Variants in KIF6 observed in about 807,000 individuals in gnomAD.
The protein encoded by KIF6 is kinesin-like protein KIF6.
In KIF6, 106 loss-of-function variants were observed where a neutral mutation model predicts 112.7. The observed-to-expected ratio is 0.94, with a 90% CI of 0.80 to 1.11. KIF6 has a LOEUF of 1.11. Among genes scored for constraint, KIF6 ranks in the 50% least tolerant of loss-of-function variants. The pLI, the probability that KIF6 is intolerant of heterozygous loss-of-function variation, is 0.00. For synonymous variants in KIF6, 339 were observed against 339.9 expected (o/e 1.00, Z 0.03); for missense variants, 929 against 964.0 (o/e 0.96, Z 0.48).
chr6:39,467,724 C>T (rs1277101965), intron 13 of KIF6, among the ~76,000 whole-genome samples: 2 of 152,164 alleles, frequency 1.3e-5, no homozygotes, highest in African/African-American at 4.8e-5. Flanking sequence ...TTATCTAAAA[C>T]ATCCAATTTT....
chr6:39,722,590 A>G (rs542327990), intron 1 of KIF6, among the ~76,000 whole-genome samples: 115 of 152,354 alleles, frequency 7.5e-4, no homozygotes, highest in African/African-American at 2.7e-3. Context: ...GATGCCTTAA[A>G]GAATAAAAGT....
intron 13 of KIF6, among the ~76,000 whole-genome samples, chr6:39,523,366 C>T (rs977465987): frequency 6.6e-6 from 1 of 152,014 alleles, no homozygotes; most frequent in Admixed American, 6.5e-5. Context: ...TATGGCCATG[C>T]TACTTTTCTG....
At chr6:39,428,111 GT>G (rs1477813572) in intron 14 of KIF6, among the ~76,000 whole-genome samples, 3 of 152,168 alleles carry the variant, frequency 2.0e-5, no homozygotes, top group African/African-American at 7.2e-5. Flanking sequence ...TAAGCCAGTG[GT>G]TTTCAAACCT....
At chr6:39,696,119 G>A (rs1324999564) in intron 3 of KIF6, among the ~76,000 whole-genome samples, 1 of 152,120 alleles carries the variant, frequency 6.6e-6, no homozygotes, top group Admixed American at 6.5e-5. Flanking sequence ...AAGCACTGGG[G>A]ATTCCAAAAA....
At chr6:39,364,964 A>AT (rs1765447830) in intron 16 of KIF6, among the ~76,000 whole-genome samples, 1 of 152,260 alleles carries the variant, frequency 6.6e-6, no homozygotes, top group African/African-American at 2.4e-5. Flanking sequence ...TAAAACTTGC[A>AT]TTTTTTAAAA....
At chr6:39,432,123 C>T (rs1771205144) in intron 13 of KIF6, among the ~76,000 whole-genome samples, 1 of 152,210 alleles carries the variant, frequency 6.6e-6, no homozygotes, top group East Asian at 1.9e-4. Context: ...ATGCACAGCC[C>T]AGTGGACACT....
chr6:39,408,077 A>G (rs535677184), intron 15 of KIF6, among the ~76,000 whole-genome samples: 3 of 152,370 alleles, frequency 2.0e-5, no homozygotes, highest in African/African-American at 7.2e-5. Context: ...TCAGAAAGAG[A>G]AATTCAACTA....
intron 9 of KIF6, among the ~76,000 whole-genome samples, chr6:39,581,718 C>G (rs1056706657): frequency 1.3e-5 from 2 of 151,706 alleles, no homozygotes; most frequent in African/African-American, 4.8e-5. Context: ...GAGAGGATGT[C>G]TTAGGTTCAG....
intron 13 of KIF6, among the ~76,000 whole-genome samples, chr6:39,495,870 T>C (rs907019411): frequency 6.6e-6 from 1 of 152,128 alleles, no homozygotes; most frequent in South Asian, 2.1e-4. Context: ...TTGTCATGTA[T>C]AAATGTGAAC....
chr6:39,679,638 C>T (rs1265203192), intron 3 of KIF6, among the ~76,000 whole-genome samples: 6 of 112,542 alleles, frequency 5.3e-5, no homozygotes, highest in Admixed American at 1.1e-4. Context: ...TTTTTTGAGG[C>T]GGAGTCTCAC....
intron 13 of KIF6, among the ~76,000 whole-genome samples, chr6:39,490,957 C>T (rs1365008137): frequency 6.6e-6 from 1 of 152,176 alleles, no homozygotes; most frequent in Admixed American, 6.6e-5. Flanking sequence ...ACCCTCACTA[C>T]ACTCTGCACA....
At chr6:39,562,406 C>A (rs894725904) in intron 10 of KIF6, among the ~76,000 whole-genome samples, 1 of 152,320 alleles carries the variant, frequency 6.6e-6, no homozygotes, top group South Asian at 2.1e-4. Context: ...AATATCATTT[C>A]TATAAGACAT....
Position 39,584,924 on chromosome 6 carries a change from G to A in KIF6, c.1051C>T (p.Leu351Phe), listed in dbSNP as rs763173860. The A allele has an allele frequency of 3.7e-6, 6 of 1,611,004 alleles. No homozygotes were observed. In the Admixed American group the frequency reaches 6.7e-5, roughly 18 times the overall value. ...AATCTGGGGTTAATTTCTTCATTAA[G>A]AACAGCTTCATTCTTTATGAGTGCC... ...RVALIKNEAVLNEEINPRLVI... is the reference protein window; with the variant it reads ...RVALIKNEAVFNEEINPRLVI... Residue 351 changes from leucine (L) to phenylalanine (F), a missense_variant, in exon 9 of 23, where the codon CTT becomes TTT. Transcript: ENST00000287152.
At chr6:39,669,957 G>A (rs1357982390) in intron 3 of KIF6, among the ~76,000 whole-genome samples, 3 of 152,230 alleles carry the variant, frequency 2.0e-5, no homozygotes, top group African/African-American at 7.2e-5. Context: ...AAGACTGAGT[G>A]TAAAGCAGAT....
chr6:39,590,512 C>A (rs974219919), intron 7 of KIF6, among the ~76,000 whole-genome samples: 27 of 142,662 alleles, frequency 1.9e-4, no homozygotes, highest in African/African-American at 5.9e-4. Flanking sequence ...AGTGTAATAG[C>A]ACAACCTGGG....
intron 13 of KIF6, among the ~76,000 whole-genome samples, chr6:39,478,013 T>C (rs1485493306): frequency 6.6e-6 from 1 of 152,228 alleles, no homozygotes; most frequent in East Asian, 1.9e-4. Context: ...CTTTGTTTTT[T>C]GGATTTTATT....
At chr6:39,677,404 T>A (rs992091222) in intron 3 of KIF6, among the ~76,000 whole-genome samples, 1 of 152,110 alleles carries the variant, frequency 6.6e-6, no homozygotes, top group South Asian at 2.1e-4. Flanking sequence ...AAAATTCACA[T>A]GGATATAGCA....
chr6:39,346,132 C>CCTCTCTCTCTCT (rs779814201), intron 20 of KIF6, among the ~76,000 whole-genome samples: 14 of 26,938 alleles, frequency 5.2e-4, no homozygotes, highest in African/African-American at 1.8e-3. Flanking sequence ...CCTCCCTCTC[C>CCTCTCTCTCTCT]CTCTCTCTCT....
rs13213191 is a variant in KIF6 at position 39,713,422 on chromosome 6, C to A, written c.251+1270G>T. On this transcript the variant is annotated intron_variant, in intron 3 of 22. Transcript: ENST00000287152. ...ACAAGAACAGGGTTTAGGAGAGGAA[C>A]TGAAGTAGTGAATATAGTAGGCCAT... 6.7e-3 allele frequency among the ~76,000 whole-genome samples: 1,019 copies of A among 152,200 alleles called. 8 individuals are homozygous for A. The highest frequency in any genetic ancestry group is 6.5e-3 in the Non-Finnish European group (442 of 68,010).
Sources: gnomAD v4.1 joint callset for allele counts (sites outside exome capture counted in the v4.1 genomes callset) on GRCh38, gnomAD v4.1.1 for gene constraint, MANE v1.5 for transcripts, NCBI Gene and HGNC (gene_info 2026-07-23, HGNC 2026-07-21) for gene names.